Variants in NDST4 observed in about 807,000 individuals in gnomAD.
NDST4 encodes the protein N-heparan sulfate sulfotransferase 4.
In NDST4, 63 loss-of-function variants were observed where a neutral mutation model predicts 100.8. The ratio of observed to expected loss-of-function variants is 0.62; its 90% CI spans 0.51 to 0.77. The LOEUF (loss-of-function observed/expected upper bound fraction) is 0.77, where lower values mean the gene tolerates loss of function less well. Among genes scored for constraint, NDST4 ranks in the 30% least tolerant of loss-of-function variants. The probability of loss-of-function intolerance (pLI) is 0.00; values close to 1 mark genes in which losing one functional copy is unlikely to be tolerated. For synonymous variants in NDST4, 377 were observed against 361.8 expected, an observed-to-expected ratio of 1.04 and a Z score of -0.48; for missense variants, 943 against 1,018.4, an observed-to-expected ratio of 0.93 and a Z score of 1.01.
Position 115,007,793 on chromosome 4 carries a change from C to T in NDST4, c.979-30519G>A, listed in dbSNP as rs138524832. On this transcript the variant is annotated intron_variant, in intron 2 of 13. Coordinates refer to ENST00000264363, the MANE Select transcript of NDST4 (RefSeq NM_022569.3). Reference sequence around the variant, plus strand: ...ATATGTTCAGCAGGTCCAAGCATTTCCCTTTGCTTCTCTGAAAGAAATGTA... The same window carrying T: ...ATATGTTCAGCAGGTCCAAGCATTTTCCTTTGCTTCTCTGAAAGAAATGTA... Among the ~76,000 whole-genome samples, 2 of 129,310 alleles carry T rather than the reference C, an allele frequency of 1.5e-5. 1 individual carries two copies. The highest frequency in any genetic ancestry group is 1.6e-4 in the Admixed American group (2 of 12,676). 84.8% of individuals were successfully genotyped at this position (129,310 alleles called of 152,430 possible). A position where few individuals can be genotyped will look rare whatever the true frequency, so the allele number is the denominator to read the frequency against.
chr4:114,977,994 A>C (rs2126244531), intron 2 of NDST4, among the ~76,000 whole-genome samples: 1 of 152,100 alleles, frequency 6.6e-6, no homozygotes, highest in South Asian at 2.1e-4. Context: ...ATGACACAGA[A>C]TTAGTTATGT....
intron 7 of NDST4, among the ~76,000 whole-genome samples, chr4:114,857,613 G>T (rs1319032116): frequency 2.0e-5 from 3 of 152,182 alleles, no homozygotes; most frequent in African/African-American, 4.8e-5. Context: ...AATGGACTTT[G>T]GTGGCACTAC....
At chr4:115,093,446 G>A (rs779752053) in intron 1 of NDST4, among the ~76,000 whole-genome samples, 6 of 151,886 alleles carry the variant, frequency 4.0e-5, no homozygotes, top group Non-Finnish European at 8.8e-5. Flanking sequence ...CTGCACTCCA[G>A]CCTGGGTGAC....
intron 6 of NDST4, among the ~76,000 whole-genome samples, chr4:114,929,894 A>G (rs1322348555): frequency 1.3e-5 from 2 of 152,220 alleles, no homozygotes; most frequent in Non-Finnish European, 2.9e-5. Context: ...AGCACCAGTA[A>G]CAATCACACC....
chr4:114,921,591 TA>T (rs1433862453), intron 6 of NDST4, among the ~76,000 whole-genome samples: 2 of 152,222 alleles, frequency 1.3e-5, no homozygotes, highest in African/African-American at 4.8e-5. Context: ...ACTTGCTTTT[TA>T]TCACATCTTA....
At chr4:114,860,114 T>G (rs1723887933) in intron 7 of NDST4, among the ~76,000 whole-genome samples, 1 of 152,216 alleles carries the variant, frequency 6.6e-6, no homozygotes, top group Admixed American at 6.5e-5. Context: ...TTACAGATCC[T>G]GGATTTTTCT....
At chr4:114,961,213 G>C (rs1726255540) in intron 4 of NDST4, among the ~76,000 whole-genome samples, 1 of 151,864 alleles carries the variant, frequency 6.6e-6, no homozygotes, top group African/African-American at 2.4e-5. Flanking sequence ...AGTGCTTAGA[G>C]GGAAATTCAT....
At chr4:115,111,099 A>C (rs1046012608) in intron 1 of NDST4, among the ~76,000 whole-genome samples, 1 of 151,938 alleles carries the variant, frequency 6.6e-6, no homozygotes, top group Non-Finnish European at 1.5e-5. Context: ...GATGCACACA[A>C]AGTTTGATCT....
intron 4 of NDST4, among the ~76,000 whole-genome samples, chr4:114,966,953 A>G (rs1035769027): frequency 3.3e-5 from 5 of 152,134 alleles, no homozygotes; most frequent in Admixed American, 3.3e-4. Flanking sequence ...TGAGATATAA[A>G]GACATTAAAT....
chr4:114,900,991 T>G (rs1262556829), intron 6 of NDST4, among the ~76,000 whole-genome samples: 1 of 151,526 alleles, frequency 6.6e-6, no homozygotes, highest in East Asian at 1.9e-4. Context: ...TTAATTCCAC[T>G]ATAGTCTGAG....
chr4:114,916,768 T>G (rs1725183447), intron 6 of NDST4, among the ~76,000 whole-genome samples: 1 of 151,936 alleles, frequency 6.6e-6, no homozygotes, highest in South Asian at 2.1e-4. Context: ...CTTAAGCAAC[T>G]CTCCCACCCT....
At chr4:114,876,954 T>C (rs1484613788) in intron 6 of NDST4, among the ~76,000 whole-genome samples, 1 of 152,172 alleles carries the variant, frequency 6.6e-6, no homozygotes, top group Non-Finnish European at 1.5e-5. Flanking sequence ...CAGGTGACTG[T>C]CTGAGTTTAT....
intron 7 of NDST4, among the ~76,000 whole-genome samples, chr4:114,857,188 C>A (rs1390943187): frequency 1.3e-5 from 2 of 152,122 alleles, no homozygotes; most frequent in East Asian, 3.9e-4. Flanking sequence ...GGTTCTGTAG[C>A]AAAGCATACT....
At chr4:114,853,515 A>G (rs1723725189) in intron 7 of NDST4, among the ~76,000 whole-genome samples, 1 of 152,166 alleles carries the variant, frequency 6.6e-6, no homozygotes, top group African/African-American at 2.4e-5. Flanking sequence ...GGCTGACTCT[A>G]ATTTATTACC....
chr4:114,848,254 T>G lies in NDST4; in HGVS notation c.1901A>C (p.Gln634Pro). Residue 634 changes from glutamine (Q) to proline (P), a missense_variant, in exon 9 of 14, where the codon CAG becomes CCG. Physicochemically the swap from Gln to Pro is moderately conservative, Grantham distance 76. This residue lies in a region of NDST4 where 526 missense variants were observed against 634.1 expected (regional missense o/e 0.83). Coordinates refer to ENST00000264363, the MANE Select transcript of NDST4 (RefSeq NM_022569.3). Reference protein sequence around the residue: ...LPSPKTFEEVQFFNGNNYHKG... With the variant: ...LPSPKTFEEVPFFNGNNYHKG... ...GTGATAGTTGTTGCCATTAAAGAAC[T>G]GAACTTCCTCAAATGTCTTTGGACT... 6.2e-7 allele frequency: 1 copy of G among 1,610,698 alleles called. No homozygotes were observed. Among genetic ancestry groups the G allele is most frequent in the East Asian group, 2.2e-5 (1 of 44,736 alleles).
chr4:114,971,986 C>T (rs1248497836), intron 3 of NDST4, among the ~76,000 whole-genome samples: 1 of 151,542 alleles, frequency 6.6e-6, no homozygotes, highest in East Asian at 1.9e-4. Flanking sequence ...TTTATTAAAG[C>T]ACTTAATATT....
At chr4:114,828,367 A>T (rs1723126031) in intron 13 of NDST4, among the ~76,000 whole-genome samples, 1 of 152,166 alleles carries the variant, frequency 6.6e-6, no homozygotes, top group African/African-American at 2.4e-5. Flanking sequence ...AATCATAAAA[A>T]CTAAAATTCA....
rs1269978251 is a variant in NDST4 at position 115,098,707 on chromosome 4, AT to A, written c.-247+14736del. 9.2e-5 allele frequency among the ~76,000 whole-genome samples: 14 copies of A among 152,116 alleles called. 2 individuals carry two copies. The South Asian group carries it at 1.9e-3, about 20-fold the overall frequency. On this transcript the variant is annotated intron_variant, in intron 1 of 13. Transcript: ENST00000264363. Reference sequence around the variant, plus strand: ...GATTAATGTTTTCCTTTTCTTTTTTATTTTTTAATCAGGTTCCCCCTCTGTC... The same window carrying A: ...GATTAATGTTTTCCTTTTCTTTTTTATTTTTAATCAGGTTCCCCCTCTGTC...
chr4:114,897,722 C>A (rs1724746930), intron 6 of NDST4, among the ~76,000 whole-genome samples: 1 of 152,242 alleles, frequency 6.6e-6, no homozygotes, highest in South Asian at 2.1e-4. Context: ...TGTGGGTCCA[C>A]ATCCTCACCA....
Sources: gnomAD v4.1 joint callset for allele counts (sites outside exome capture counted in the v4.1 genomes callset) on GRCh38, gnomAD v4.1.1 for gene constraint, gnomAD v4.1.1 regional missense constraint, MANE v1.5 for transcripts, NCBI Gene and HGNC (gene_info 2026-07-23, HGNC 2026-07-21) for gene names.